JAKMIP1: variants seen among roughly 807,000 people sequenced by gnomAD.
The protein encoded by JAKMIP1 is janus kinase and microtubule-interacting protein 1.
JAKMIP1 carries 33 observed loss-of-function variants against 113.0 expected under a neutral mutation model. The ratio of observed to expected loss-of-function variants is 0.29; its 90% CI spans 0.22 to 0.39. JAKMIP1 has a LOEUF of 0.39. Among genes scored for constraint, JAKMIP1 ranks in the 10% least tolerant of loss-of-function variants. The probability of loss-of-function intolerance (pLI) is 1.00; values close to 1 mark genes in which losing one functional copy is unlikely to be tolerated. For missense variants in JAKMIP1, 813 were observed against 1,080.5 expected, an observed-to-expected ratio of 0.75 and a Z score of 3.47; for synonymous variants, 480 against 459.9, an observed-to-expected ratio of 1.04 and a Z score of -0.56.
chr4:6,103,662 C>A (rs913539106), intron 3 of JAKMIP1, among the ~76,000 whole-genome samples: 1 of 152,178 alleles, frequency 6.6e-6, no homozygotes, highest in East Asian at 1.9e-4. Context: ...TTATTCATTA[C>A]AGATTTAATT....
Position 6,042,415 on chromosome 4 carries a change from C to G in JAKMIP1, c.2029-188G>C, listed in dbSNP as rs1349132734. 6.6e-6 allele frequency among the ~76,000 whole-genome samples: 1 copy of G among 152,110 alleles called. No homozygotes were observed. Among genetic ancestry groups the G allele is most frequent in the Non-Finnish European group, 1.5e-5 (1 of 68,020 alleles). ...GGTTGTGTGTGCATGGTCCAGCCTG[C>G]ATGTGCAGGAGGTCTTAGGTGTGAG... On this transcript the variant is annotated intron_variant, in intron 16 of 20. Transcript: ENST00000409021. This position sits in a 1 kb window ranked among gnomAD's most constrained non-coding sequence, Gnocchi z 5.2.
At position 6,168,803 on chromosome 4, in the gene JAKMIP1, T is replaced by C. The variant is rs187566863; in HGVS notation, c.-148+31450A>G. Among the ~76,000 whole-genome samples the C allele has an allele frequency of 2.5e-3, 384 of 151,984 alleles. 4 individuals carry two copies. The highest frequency in any genetic ancestry group is 6.6e-3 in the East Asian group (34 of 5,170). ...TGGTCCCAGCTACTTGGGAGGCTGA[T>C]GTGGGAGAATCACTTGAGCCTGGGG... On this transcript the variant is annotated intron_variant, in intron 1 of 20. Transcript: ENST00000409021. The surrounding 1 kb of genome is among the most constrained non-coding windows in gnomAD (Gnocchi z 4.6).
intron 1 of JAKMIP1, among the ~76,000 whole-genome samples, chr4:6,128,310 A>G (rs1305489973): frequency 6.6e-6 from 1 of 152,144 alleles, no homozygotes; most frequent in South Asian, 2.1e-4. Flanking sequence ...GAGCCCCACA[A>G]GTGGTGTCTT....
Position 6,080,485 on chromosome 4 carries a change from G to T in JAKMIP1, c.1102-173C>A, listed in dbSNP as rs1004209889. ...CCCCACCCAAATCTCATCTTGAATT[G>T]CGGCTCCCAGAACTCCCGTGTGTTG... is the stretch of plus-strand genomic sequence containing the variant. On this transcript the variant is annotated intron_variant, in intron 6 of 20. Transcript: ENST00000409021. This position sits in a 1 kb window ranked among gnomAD's most constrained non-coding sequence, Gnocchi z 6.0. Among the ~76,000 whole-genome samples the T allele has an allele frequency of 6.6e-6, 1 of 152,134 alleles. No homozygotes were observed. Among genetic ancestry groups the T allele is most frequent in the African/African-American group, 2.4e-5 (1 of 41,416 alleles).
Position 6,167,974 on chromosome 4 carries a change from A to C in JAKMIP1, c.-148+32279T>G, listed in dbSNP as rs1287645526. ...CATGCAGACAATGAGGAGTCCGCCC[A>C]TCCTCCACATCACCCGGTGTTCAAC... is the stretch of plus-strand genomic sequence containing the variant. On this transcript the variant is annotated intron_variant, in intron 1 of 20. Coordinates refer to ENST00000409021, the MANE Select transcript of JAKMIP1 (RefSeq NM_001099433.2). The surrounding 1 kb of genome is among the most constrained non-coding windows in gnomAD (Gnocchi z 5.3). Among the ~76,000 whole-genome samples the C allele has an allele frequency of 2.6e-5, 4 of 152,196 alleles. No individual in the cohort carries two copies.
chr4:6,148,701 T>C (rs766213336), intron 1 of JAKMIP1, among the ~76,000 whole-genome samples: 1 of 152,238 alleles, frequency 6.6e-6, no homozygotes, highest in Non-Finnish European at 1.5e-5. Flanking sequence ...TCTTGTTTAT[T>C]GTTACTTGTT....
In JAKMIP1 at chr4:6,086,989, C is replaced by T. The variant is rs998066272; in HGVS notation, c.625-1360G>A. 6.6e-6 allele frequency among the ~76,000 whole-genome samples: 1 copy of T among 152,118 alleles called. No homozygotes were observed. Among genetic ancestry groups the T allele is most frequent in the Admixed American group, 6.5e-5 (1 of 15,270 alleles). ...GGCATGCAGACACCTTGATTTCAATCTCCTGGCCTCCAGAACTGTATAGGA... is the reference window on the plus strand; with the variant it reads ...GGCATGCAGACACCTTGATTTCAATTTCCTGGCCTCCAGAACTGTATAGGA... On this transcript the variant is annotated intron_variant, in intron 3 of 20. Coordinates refer to ENST00000409021, the MANE Select transcript of JAKMIP1 (RefSeq NM_001099433.2). This position sits in a 1 kb window ranked among gnomAD's most constrained non-coding sequence, Gnocchi z 4.1.
chr4:6,037,938 T>G (rs113952575), intron 18 of JAKMIP1, among the ~76,000 whole-genome samples: 63 of 71,558 alleles, frequency 8.8e-4, no homozygotes, highest in East Asian at 1.2e-3. Context: ...CATCACTGAG[T>G]CAGAGGTTAA....
chr4:6,064,834 G>A lies in JAKMIP1; in HGVS notation c.1431+46C>T, dbSNP rs747396752. 9.3e-6 allele frequency: 15 copies of A among 1,610,924 alleles called. No homozygotes were observed. Among genetic ancestry groups the A allele is most frequent in the Admixed American group, 3.3e-5 (2 of 59,964 alleles). ...TATCAAAAGCAGGAGGTGCCGCCCC[G>A]AGAGCATCTGGGGTGAGGTCCCGCC... On this transcript the variant is annotated intron_variant, in intron 9 of 20. Coordinates refer to ENST00000409021, the MANE Select transcript of JAKMIP1 (RefSeq NM_001099433.2). The surrounding 1 kb of genome is among the most constrained non-coding windows in gnomAD (Gnocchi z 4.3).
rs574373804 is a variant in JAKMIP1 at position 6,043,378 on chromosome 4, C to A, written c.2029-1151G>T. Among the ~76,000 whole-genome samples the A allele has an allele frequency of 2.0e-4, 30 of 152,130 alleles. 1 individual carries two copies. In the South Asian group the frequency reaches 6.0e-3, roughly 30 times the overall value. On this transcript the variant is annotated intron_variant, in intron 16 of 20. Transcript: ENST00000409021. Reference sequence around the variant, plus strand: ...TCTGGCGGCAGCTGGTCACCCTCGCCAGGTCACCCCGCACTCGTGAGGTCC... The same window carrying A: ...TCTGGCGGCAGCTGGTCACCCTCGCAAGGTCACCCCGCACTCGTGAGGTCC...
intron 7 of JAKMIP1, among the ~76,000 whole-genome samples, 190 bp from the exon 8 acceptor site, chr4:6,079,188 C>G (rs1000843227): frequency 2.6e-5 from 4 of 152,000 alleles, no homozygotes; most frequent in Non-Finnish European, 5.9e-5. Flanking sequence ...CACCTTTTGA[C>G]TTTATTGTTA....
intron 1 of JAKMIP1, among the ~76,000 whole-genome samples, chr4:6,152,789 A>AATATATATATATATATATATATACAT (rs35192547): frequency 3.7e-5 from 5 of 135,292 alleles, no homozygotes; most frequent in Non-Finnish European, 7.8e-5. Context: ...TAAAAATACA[A>AATATATATATATATATATATATACAT]ATATATATAT....
intron 3 of JAKMIP1, among the ~76,000 whole-genome samples, chr4:6,098,465 G>C (rs959142803): frequency 6.7e-6 from 1 of 150,222 alleles, no homozygotes; most frequent in East Asian, 1.9e-4. Flanking sequence ...GGGAGGAAGG[G>C]CAGGAGGGAA....
Position 6,088,883 on chromosome 4 carries a change from T to C in JAKMIP1, c.625-3254A>G, listed in dbSNP as rs904078626. 2.0e-5 allele frequency among the ~76,000 whole-genome samples: 3 copies of C among 152,132 alleles called. No individual in the cohort carries two copies. Among genetic ancestry groups the C allele is most frequent in the African/African-American group, 4.8e-5 (2 of 41,424 alleles). On this transcript the variant is annotated intron_variant, in intron 3 of 20. Transcript: ENST00000409021. The surrounding 1 kb of genome is among the most constrained non-coding windows in gnomAD (Gnocchi z 5.5). ...ATTTCCCCTTCTCCCATACGCCCAG[T>C]CTCAGCATGTGCAGTAGGAAAGGGG... is the stretch of plus-strand genomic sequence containing the variant.
In JAKMIP1 at chr4:6,183,169, GT is replaced by G. The variant is rs1459105495; in HGVS notation, c.-148+17083del. ...ACAGATACAGGTGCCCTGCGAAGGG[GT>G]GCTGGCTGATGTCTAAAATGGAACA... On this transcript the variant is annotated intron_variant, in intron 1 of 20. Coordinates refer to ENST00000409021, the MANE Select transcript of JAKMIP1 (RefSeq NM_001099433.2). This position sits in a 1 kb window ranked among gnomAD's most constrained non-coding sequence, Gnocchi z 5.3. Among the ~76,000 whole-genome samples the G allele has an allele frequency of 2.0e-5, 3 of 152,182 alleles. No individual in the cohort carries two copies. The highest frequency in any genetic ancestry group is 4.4e-5 in the Non-Finnish European group (3 of 68,042).
intron 8 of JAKMIP1, among the ~76,000 whole-genome samples, chr4:6,072,561 C>T (rs1719116618): frequency 6.6e-6 from 1 of 152,150 alleles, no homozygotes; most frequent in African/African-American, 2.4e-5. Flanking sequence ...ACACACCAAC[C>T]GAGGCCAGCC....
intron 1 of JAKMIP1, among the ~76,000 whole-genome samples, chr4:6,149,709 T>C (rs1721325059): frequency 1.3e-5 from 2 of 152,166 alleles, no homozygotes; most frequent in African/African-American, 4.8e-5. Context: ...TTTTTTCTTC[T>C]GATCTGGCCA....
At chr4:6,085,229 C>G (rs1330864321) in intron 4 of JAKMIP1, among the ~76,000 whole-genome samples, 191 bp downstream of exon 4, 1 of 152,120 alleles carries the variant, frequency 6.6e-6, no homozygotes, top group Non-Finnish European at 1.5e-5. Flanking sequence ...GTATCTCTTA[C>G]AAAGGCCGCC....
rs930109954 is a variant in JAKMIP1 at position 6,199,563 on chromosome 4, G to T, written c.-148+690C>A. Among the ~76,000 whole-genome samples the T allele has an allele frequency of 9.9e-5, 15 of 152,122 alleles. No individual in the cohort carries two copies. The highest frequency in any genetic ancestry group is 8.5e-4 in the Admixed American group (13 of 15,288). On this transcript the variant is annotated intron_variant, in intron 1 of 20. Transcript: ENST00000409021. This position sits in a 1 kb window ranked among gnomAD's most constrained non-coding sequence, Gnocchi z 5.6. ...CTCCGGAGGCCAGTGCGCCCAGGGC[G>T]CGCCGGCCCGGCAGGAGGGTGGGTG...
Sources: gnomAD v4.1 joint callset for allele counts (sites outside exome capture counted in the v4.1 genomes callset) on GRCh38, gnomAD v4.1.1 for gene constraint, Gnocchi (gnomAD v3.1) non-coding constraint, MANE v1.5 for transcripts, NCBI Gene and HGNC (gene_info 2026-07-23, HGNC 2026-07-21) for gene names.